The following MAP4K5 variants were observed in gnomAD, a reference collection of about 807,000 sequenced individuals.
MAP4K5 encodes mitogen-activated protein kinase kinase kinase kinase 5, also known as MAPK/ERK kinase kinase kinase 5.
A neutral mutation model predicts 135.6 loss-of-function variants in MAP4K5; 82 were observed. That is an observed-to-expected ratio of 0.60 (90% CI 0.51 to 0.73). The LOEUF (loss-of-function observed/expected upper bound fraction) is 0.73. Ranked by LOEUF, MAP4K5 falls within the 30% of genes least tolerant of loss-of-function variation. The pLI is 0.00. For synonymous variants in MAP4K5, 347 were observed against 335.0 expected, an observed-to-expected ratio of 1.04 and a Z score of -0.39; for missense variants, 907 against 1,010.9, an observed-to-expected ratio of 0.90 and a Z score of 1.39.
At chr14:50,474,730 T>G (rs1286158651) in intron 9 of MAP4K5, among the ~76,000 whole-genome samples, 4 of 152,110 alleles carry the variant, frequency 2.6e-5, no homozygotes. Flanking sequence ...ACATGTACCC[T>G]GCAACTTAAA....
At chr14:50,535,289 A>G (rs1196330658), upstream of MAP4K5, among the ~76,000 whole-genome samples, 1 of 152,260 alleles carries the variant, frequency 6.6e-6, no homozygotes, top group Admixed American at 6.5e-5. Context: ...GAGACATAAA[A>G]TGCTTTATCT....
chr14:50,537,442 C>T (rs569098255), upstream of MAP4K5, among the ~76,000 whole-genome samples: 4 of 152,288 alleles, frequency 2.6e-5, no homozygotes, highest in African/African-American at 9.6e-5. Context: ...GGGTCAGAGC[C>T]CCCAGACAGA....
At chr14:50,519,101 A>T (rs1029758648) in intron 2 of MAP4K5, among the ~76,000 whole-genome samples, 5 of 152,152 alleles carry the variant, frequency 3.3e-5, no homozygotes, top group African/African-American at 1.2e-4. Flanking sequence ...TATATAATGA[A>T]CTAAAAATTA....
intron 1 of MAP4K5, among the ~76,000 whole-genome samples, chr14:50,544,681 C>T (rs1166752485): frequency 6.6e-6 from 1 of 152,064 alleles, no homozygotes; most frequent in African/African-American, 2.4e-5. Context: ...CACTTGTAAT[C>T]TCAGAGCTTT....
intron 2 of MAP4K5, among the ~76,000 whole-genome samples, chr14:50,531,691 A>G (rs2038392815): frequency 6.6e-6 from 1 of 152,232 alleles, no homozygotes; most frequent in African/African-American, 2.4e-5. Context: ...AGCCCTATTA[A>G]AAAGCCTTTA....
In MAP4K5 at chr14:50,429,253, C is replaced by T. The variant is rs372868806; in HGVS notation, c.2172G>A (p.Gln724=). The change falls in exon 29 of 33, where the codon CAG becomes CAA. Residue 724 remains glutamine (Q), a synonymous_variant. Transcript: ENST00000682126. The part of the protein sequence containing the change: ...SWFTEIGAGS[Q]QLDSIHVTQL... ...GTGTTACATGAATGGAATCTAACTGCTGGCTGCCTTAGGAAGTAAAAAACA... is the reference window on the plus strand; with the variant it reads ...GTGTTACATGAATGGAATCTAACTGTTGGCTGCCTTAGGAAGTAAAAAACA... 2 of 1,559,598 alleles carry T rather than the reference C, an allele frequency of 1.3e-6. No individual in the cohort carries two copies. Among genetic ancestry groups the T allele is most frequent in the Non-Finnish European group, 1.7e-6 (2 of 1,149,628 alleles).
At chr14:50,539,020 T>G (rs1028085348) in intron 2 of MAP4K5, among the ~76,000 whole-genome samples, 4 of 152,222 alleles carry the variant, frequency 2.6e-5, no homozygotes, top group African/African-American at 9.6e-5. Context: ...TTATATTCTC[T>G]TTCTGTGCTT....
chr14:50,442,133 T>G (rs2036243278), intron 21 of MAP4K5, among the ~76,000 whole-genome samples: 1 of 152,042 alleles, frequency 6.6e-6, no homozygotes, highest in Admixed American at 6.6e-5. Flanking sequence ...TTCAGAAACA[T>G]AGTCTACATT....
chr14:50,436,890 G>T (rs1017581846), intron 26 of MAP4K5, among the ~76,000 whole-genome samples: 11 of 152,120 alleles, frequency 7.2e-5, no homozygotes, highest in Non-Finnish European at 1.3e-4. Context: ...TTCTGTCCCT[G>T]TTCTAAACGG....
At chr14:50,431,998 T>C (rs189571226) in intron 28 of MAP4K5, among the ~76,000 whole-genome samples, 1 of 152,326 alleles carries the variant, frequency 6.6e-6, no homozygotes, top group African/African-American at 2.4e-5. Flanking sequence ...TTCTAAAGCT[T>C]ATACATGGTG....
At chr14:50,560,012 G>A (rs2038815137) in intron 1 of MAP4K5, 2 of 567,286 alleles carry the variant, frequency 3.5e-6, no homozygotes, top group South Asian at 4.0e-5. Context: ...ACGGTCTGGG[G>A]GTGGACTGAG....
rs1334795116 is a variant in MAP4K5, at chr14:50,491,270, T to C, written c.167-5076A>G. ...ATACTGAGGTAATTAATTCAACCAATGTCTATAATTATGTGGATAGCTATG... is the reference window on the plus strand; with the variant it reads ...ATACTGAGGTAATTAATTCAACCAACGTCTATAATTATGTGGATAGCTATG... On this transcript the variant is annotated intron_variant, in intron 3 of 32. Transcript: ENST00000682126. Among the ~76,000 whole-genome samples, 3 of 151,986 alleles carry C rather than the reference T, an allele frequency of 2.0e-5. No individual in the cohort carries two copies. In the South Asian group the frequency reaches 6.3e-4, roughly 32 times the overall value.
At chr14:50,474,931 C>A in intron 9 of MAP4K5, 146 bp downstream of exon 9, 1 of 663,840 alleles carries the variant, frequency 1.5e-6, no homozygotes, top group Admixed American at 2.5e-5. Flanking sequence ...TCAAAGTTCC[C>A]TAACCCAAAC....
rs193273143 is a variant in MAP4K5 at position 50,528,840 on chromosome 14, C to G, written c.108+3102G>C. ...TACTTCTAAAACGTCCTAGGATGTT[C>G]AGCTCATCAGAAACACAGTGATAAA... On this transcript the variant is annotated intron_variant, in intron 2 of 32. Coordinates refer to ENST00000682126, the MANE Select transcript of MAP4K5 (RefSeq NM_006575.6). 3.0e-4 allele frequency among the ~76,000 whole-genome samples: 45 copies of G among 152,276 alleles called. 2 individuals carry two copies. The highest frequency in any genetic ancestry group is 2.4e-3 in the Admixed American group (36 of 15,300).
At chr14:50,494,570 G>T (rs1025585442) in intron 3 of MAP4K5, among the ~76,000 whole-genome samples, 1 of 151,874 alleles carries the variant, frequency 6.6e-6, no homozygotes, top group African/African-American at 2.4e-5. Flanking sequence ...AAATAAAAAA[G>T]AATCATTCTA....
chr14:50,496,508 ATTTC>A (rs2139984929), intron 3 of MAP4K5, among the ~76,000 whole-genome samples: 1 of 152,076 alleles, frequency 6.6e-6, no homozygotes, highest in African/African-American at 2.4e-5. Context: ...TTATATATAT[ATTTC>A]TTTCTTTCTT....
At chr14:50,432,574 AAAC>A (rs1318443553) in intron 28 of MAP4K5, among the ~76,000 whole-genome samples, 1,907 of 147,484 alleles carry the variant, frequency 0.013, 73 homozygotes, top group African/African-American at 0.048. Context: ...AAAAAAAAAA[AAAC>A]AAAAAAACGC....
chr14:50,541,653 A>G (rs1455114994), intron 2 of MAP4K5, among the ~76,000 whole-genome samples: 1 of 152,150 alleles, frequency 6.6e-6, no homozygotes, highest in African/African-American at 2.4e-5. Flanking sequence ...CCAATGGTAA[A>G]CAGGAAACTG....
chr14:50,433,480 C>T (rs1451409623), intron 28 of MAP4K5, among the ~76,000 whole-genome samples: 1 of 152,168 alleles, frequency 6.6e-6, no homozygotes, highest in African/African-American at 2.4e-5. Flanking sequence ...GGTTGCACCT[C>T]AAGAGCCTGT....
Sources: gnomAD v4.1 joint callset for allele counts (sites outside exome capture counted in the v4.1 genomes callset) on GRCh38, gnomAD v4.1.1 for gene constraint, MANE v1.5 for transcripts, NCBI Gene and HGNC (gene_info 2026-07-23, HGNC 2026-07-21) for gene names.